Variants in PLCL1 observed in about 807,000 individuals in gnomAD.
PLCL1 encodes inactive phospholipase C-like protein 1.
A neutral mutation model predicts 84.4 loss-of-function variants in PLCL1; 41 were observed. That is an observed-to-expected ratio of 0.49 (90% confidence interval 0.38 to 0.63). The LOEUF (loss-of-function observed/expected upper bound fraction) is 0.63. PLCL1 is among the 30% of genes least tolerant of loss of function. PLCL1 has a pLI of 0.00. For missense variants in PLCL1, 1,206 were observed against 1,367.8 expected, an observed-to-expected ratio of 0.88 and a Z score of 1.87; for synonymous variants, 490 against 488.3, an observed-to-expected ratio of 1.00 and a Z score of -0.05.
intron 1 of PLCL1, among the ~76,000 whole-genome samples, chr2:197,984,938 G>GTT (rs879320482): frequency 6.9e-6 from 1 of 145,390 alleles, no homozygotes; most frequent in East Asian, 2.0e-4. Context: ...TTTCATTATG[G>GTT]TTTTTTTTTT....
chr2:197,862,113 T>G (rs1371445439), intron 1 of PLCL1, among the ~76,000 whole-genome samples: 1 of 80,242 alleles, frequency 1.2e-5, no homozygotes, highest in Non-Finnish European at 2.4e-5. Context: ...TACAGATAGA[T>G]GAGTTACATG....
At chr2:197,807,297 A>T (rs1690505236) in intron 1 of PLCL1, among the ~76,000 whole-genome samples, 1 of 133,068 alleles carries the variant, frequency 7.5e-6, no homozygotes, top group African/African-American at 2.9e-5. Context: ...ATGTGTAAGC[A>T]GATATATCTA....
intron 5 of PLCL1, among the ~76,000 whole-genome samples, chr2:198,124,420 C>A (rs1272188578): frequency 6.6e-6 from 1 of 151,976 alleles, no homozygotes; most frequent in Non-Finnish European, 1.5e-5. Flanking sequence ...TTAAAATGGG[C>A]CTGCATAAAA....
intron 1 of PLCL1, among the ~76,000 whole-genome samples, chr2:198,009,212 A>G (rs1316782573): frequency 6.6e-6 from 1 of 151,182 alleles, no homozygotes; most frequent in African/African-American, 2.4e-5. Context: ...TTTATTTTTG[A>G]TTTCGTTGTC....
intron 3 of PLCL1, among the ~76,000 whole-genome samples, chr2:198,090,390 T>TA (rs1692994156): frequency 6.6e-6 from 1 of 152,170 alleles, no homozygotes; most frequent in Non-Finnish European, 1.5e-5. Flanking sequence ...TGCTTTTCTG[T>TA]ATTTTTTCTA....
chr2:197,839,428 G>A (rs1691254397), intron 1 of PLCL1, among the ~76,000 whole-genome samples: 3 of 152,158 alleles, frequency 2.0e-5, no homozygotes, highest in Admixed American at 2.0e-4. Context: ...CTCATAAGGG[G>A]CATGCAACCT....
At chr2:198,018,361 C>T (rs956435055) in intron 1 of PLCL1, among the ~76,000 whole-genome samples, 46 of 152,160 alleles carry the variant, frequency 3.0e-4, no homozygotes, top group South Asian at 2.1e-4. Flanking sequence ...TCAGTGGCAC[C>T]TGGAACACCA....
chr2:197,997,770 G>A (rs1339028865), intron 1 of PLCL1, among the ~76,000 whole-genome samples: 1 of 152,132 alleles, frequency 6.6e-6, no homozygotes, highest in Non-Finnish European at 1.5e-5. Flanking sequence ...TTAGAAAGAG[G>A]AAACAGCAGA....
intron 1 of PLCL1, among the ~76,000 whole-genome samples, chr2:197,970,601 T>G (rs1689843510): frequency 6.6e-6 from 1 of 152,234 alleles, no homozygotes; most frequent in South Asian, 2.1e-4. Context: ...TATATTAGGT[T>G]AAATAAAATA....
intron 1 of PLCL1, among the ~76,000 whole-genome samples, chr2:197,947,425 C>T (rs1689303070): frequency 6.6e-6 from 1 of 151,964 alleles, no homozygotes. Context: ...TCAGGTGCCG[C>T]TGCTGCTGCT....
intron 1 of PLCL1, among the ~76,000 whole-genome samples, chr2:197,892,716 C>T (rs1435753185): frequency 6.6e-6 from 1 of 151,984 alleles, no homozygotes; most frequent in African/African-American, 2.4e-5. Context: ...GTTTTTGGAC[C>T]AGGTATGGTG....
In PLCL1 at chr2:198,140,983, A is replaced by G. The variant is rs191827028; in HGVS notation, c.3106-5797A>G. On this transcript the variant is annotated intron_variant, in intron 5 of 5. Transcript: ENST00000428675. ...TGTCTCAGGTGAGCATGTCCAGTGT[A>G]ATTCTCTTCATGTTCCTGTACAGAT... Among the ~76,000 whole-genome samples the G allele has an allele frequency of 1.8e-4, 27 of 152,260 alleles. No homozygotes were observed. In the East Asian group the frequency reaches 4.8e-3, roughly 27 times the overall value.
At chr2:197,962,421 A>G (rs1454964321) in intron 1 of PLCL1, among the ~76,000 whole-genome samples, 1 of 152,066 alleles carries the variant, frequency 6.6e-6, no homozygotes, top group Non-Finnish European at 1.5e-5. Context: ...CTGTGTGGTA[A>G]CTAACGTAAA....
intron 1 of PLCL1, among the ~76,000 whole-genome samples, chr2:198,036,018 C>G (rs1175563919): frequency 6.6e-6 from 1 of 152,194 alleles, no homozygotes; most frequent in Non-Finnish European, 1.5e-5. Flanking sequence ...GCCTGGGCAA[C>G]AGAGCCAGAC....
intron 1 of PLCL1, among the ~76,000 whole-genome samples, chr2:197,997,327 A>G (rs531259626): frequency 3.4e-4 from 52 of 152,342 alleles, no homozygotes; most frequent in Non-Finnish European, 6.9e-4. Context: ...AACTCCTATG[A>G]AATGAAAGCA....
chr2:197,991,330 A>C (rs1690343300), intron 1 of PLCL1, among the ~76,000 whole-genome samples: 2 of 152,268 alleles, frequency 1.3e-5, no homozygotes, highest in East Asian at 3.9e-4. Context: ...CTGGGATTCC[A>C]GCTTGCAGAT....
intron 1 of PLCL1, among the ~76,000 whole-genome samples, chr2:197,859,827 A>G (rs529758668): frequency 2.6e-5 from 4 of 152,322 alleles, no homozygotes; most frequent in African/African-American, 7.2e-5. Context: ...ATATAAGCAC[A>G]ATTACAAAAT....
At chr2:198,020,069 G>C (rs1259031788) in intron 1 of PLCL1, among the ~76,000 whole-genome samples, 1 of 152,232 alleles carries the variant, frequency 6.6e-6, no homozygotes, top group Non-Finnish European at 1.5e-5. Context: ...CCAGAAGAGA[G>C]TGGGGACCAA....
At chr2:198,063,467 AAGG>A (rs1200747770) in intron 1 of PLCL1, among the ~76,000 whole-genome samples, 1 of 152,194 alleles carries the variant, frequency 6.6e-6, no homozygotes, top group Non-Finnish European at 1.5e-5. Context: ...TTTACTTTGC[AAGG>A]AGAAGAGAAA....
Sources: gnomAD v4.1 joint callset for allele counts (sites outside exome capture counted in the v4.1 genomes callset) on GRCh38, gnomAD v4.1.1 for gene constraint, MANE v1.5 for transcripts, NCBI Gene and HGNC (gene_info 2026-07-23, HGNC 2026-07-21) for gene names.